Variants in SGSM2 observed in about 807,000 individuals in gnomAD.
The protein encoded by SGSM2 is small G protein signaling modulator 2, also known as RUN and TBC1 domain containing 1.
Under a neutral mutation model 126.6 loss-of-function variants are expected in SGSM2, and 89 were observed. The ratio of observed to expected loss-of-function variants is 0.70; its 90% CI spans 0.59 to 0.84. The LOEUF is 0.84. Ranked by LOEUF, SGSM2 falls within the 40% of genes least tolerant of loss-of-function variation. The pLI is 0.00. For synonymous variants in SGSM2, 614 were observed against 574.3 expected (o/e 1.07, Z -0.99); for missense variants, 1,404 against 1,416.6 (o/e 0.99, Z 0.14).
At position 2,380,219 on chromosome 17, in the gene SGSM2, CTG is replaced by C. The variant is rs750935449; in HGVS notation, c.*701_*702del. On this transcript the variant is annotated 3_prime_UTR_variant, in exon 24 of 24. Transcript: ENST00000268989. ...CCTTGTACAGTGTACCTCTGTGTAT[CTG>C]TACAGCCTCGCTCCTGCCACCCCAC... 1.0e-5 allele frequency: 16 copies of C among 1,535,702 alleles called. No homozygotes were observed. The highest frequency in any genetic ancestry group is 1.4e-5 in the Non-Finnish European group (16 of 1,146,568).
At chr17:2,351,209 C>T (rs1242704186) in intron 2 of SGSM2, among the ~76,000 whole-genome samples, 2 of 151,408 alleles carry the variant, frequency 1.3e-5, no homozygotes, top group South Asian at 2.1e-4. Context: ...GCCAAGATCA[C>T]GTCACTGCAC....
Position 2,361,806 on chromosome 17 carries a change from C to T in SGSM2, c.296+7C>T, listed in dbSNP as rs756142917. On this transcript the variant is annotated splice_region_variant and intron_variant, in intron 3 of 23. Coordinates refer to ENST00000268989, the MANE Select transcript of SGSM2 (RefSeq NM_014853.3). ...AGCAACAAGCAGAGGGCAGGTGAGCCCTGGGCCAGCCCCTTCTTCCCTCCT... is the reference window on the plus strand; with the variant it reads ...AGCAACAAGCAGAGGGCAGGTGAGCTCTGGGCCAGCCCCTTCTTCCCTCCT... 2 of 1,592,788 alleles carry T rather than the reference C, an allele frequency of 1.3e-6. No individual in the cohort carries two copies. The highest frequency in any genetic ancestry group is 1.1e-5 in the South Asian group (1 of 89,040).
chr17:2,370,385 C>T (rs574789505), intron 12 of SGSM2, among the ~76,000 whole-genome samples: 4 of 151,418 alleles, frequency 2.6e-5, no homozygotes, highest in African/African-American at 4.9e-5. Flanking sequence ...TGATTCAGAC[C>T]GCCTGGGCTG....
chr17:2,353,281 G>C (rs931142997), intron 2 of SGSM2, among the ~76,000 whole-genome samples: 2 of 152,088 alleles, frequency 1.3e-5, no homozygotes, highest in African/African-American at 4.8e-5. Context: ...GGGAGGAGGT[G>C]AAACGAGATG....
rs777088351 is a variant in SGSM2 at position 2,362,819 on chromosome 17, ACTGT to A, written c.459-12_459-9del. On this transcript the variant is annotated splice_polypyrimidine_tract_variant and intron_variant, in intron 4 of 23. Transcript: ENST00000268989. The surrounding 1 kb of genome is among the most constrained non-coding windows in gnomAD (Gnocchi z 4.9). ...TGAGCCCCGGAGCCTCGGCAGTCAC[ACTGT>A]CTGTCTCCTGGCAGCAAGTACTACG... 4.3e-6 allele frequency: 7 copies of A among 1,613,614 alleles called. No individual in the cohort carries two copies. Among genetic ancestry groups the A allele is most frequent in the East Asian group, 2.2e-5 (1 of 44,898 alleles).
chr17:2,364,433 G>A (rs1334681148), intron 8 of SGSM2, 163 bp from the exon 9 acceptor site: 10 of 841,674 alleles, frequency 1.2e-5, no homozygotes, highest in Middle Eastern at 2.4e-4. Context: ...TGTGCCGAGC[G>A]GGCAGCACAG....
Position 2,362,507 on chromosome 17 carries a change from A to G in SGSM2, c.458+237A>G, listed in dbSNP as rs2447100. ...CCCCGTTCCCCAAAAACTGCAGGTG[A>G]CCGCCCCGTTCCCCAAAAACTGCAG... is the stretch of plus-strand genomic sequence containing the variant. On this transcript the variant is annotated intron_variant, in intron 4 of 23. Transcript: ENST00000268989. This position sits in a 1 kb window ranked among gnomAD's most constrained non-coding sequence, Gnocchi z 4.9. Among the ~76,000 whole-genome samples, 25,322 of 109,886 alleles carry G rather than the reference A, an allele frequency of 0.23. 2,787 individuals are homozygous for G. Among genetic ancestry groups the G allele is most frequent in the East Asian group, 0.41 (1,379 of 3,398 alleles). 72.1% of individuals were successfully genotyped at this position (109,886 alleles called of 152,430 possible).
At position 2,363,754 on chromosome 17, in the gene SGSM2, G is replaced by A. The variant is rs561274895; in HGVS notation, c.807+155G>A. The A allele has an allele frequency of 9.0e-5, 106 of 1,181,774 alleles. No individual in the cohort carries two copies. In the Admixed American group the frequency reaches 1.4e-3, roughly 16 times the overall value. 73.2% of individuals were successfully genotyped at this position (1,181,774 alleles called of 1,614,324 possible). On this transcript the variant is annotated intron_variant, in intron 7 of 23. Transcript: ENST00000268989. This position sits in a 1 kb window ranked among gnomAD's most constrained non-coding sequence, Gnocchi z 4.2. ...CAACTCCCTGTTTCACACGACTCAC[G>A]CCCAGCCTTTAGTTGGCAGGGGACA...
chr17:2,367,711 T>G lies in SGSM2; in HGVS notation c.1423+306T>G, dbSNP rs1373584383. 6.6e-6 allele frequency among the ~76,000 whole-genome samples: 1 copy of G among 152,202 alleles called. No homozygotes were observed. The highest frequency in any genetic ancestry group is 1.5e-5 in the Non-Finnish European group (1 of 68,030). ...AATGGATCTCTGAGCCCATTCCTAC[T>G]CCGGGGGTCAGGCTGGCAAATGCCA... On this transcript the variant is annotated intron_variant, in intron 12 of 23. Transcript: ENST00000268989. This position sits in a 1 kb window ranked among gnomAD's most constrained non-coding sequence, Gnocchi z 4.0.
At chr17:2,338,576 A>G (rs2064194280) in intron 1 of SGSM2, among the ~76,000 whole-genome samples, 1 of 151,204 alleles carries the variant, frequency 6.6e-6, no homozygotes, top group Non-Finnish European at 1.5e-5. Flanking sequence ...TGGTAAGTAA[A>G]CTCCACCAGG....
Sources: allele counts gnomAD v4.1 joint callset (sites outside exome capture counted in the v4.1 genomes callset), GRCh38; gene constraint gnomAD v4.1.1; non-coding constraint Gnocchi (gnomAD v3.1); transcripts MANE v1.5; gene names NCBI Gene and HGNC (gene_info 2026-07-23, HGNC 2026-07-21).